TTC28: variants seen among roughly 807,000 people sequenced by gnomAD.
The protein encoded by TTC28 is tetratricopeptide repeat protein 28.
Under a neutral mutation model 198.0 loss-of-function variants are expected in TTC28, and 61 were observed. That is an observed-to-expected ratio of 0.31 (90% CI 0.25 to 0.38). The LOEUF is 0.38. TTC28 is among the 10% of genes least tolerant of loss of function. TTC28 has a pLI of 1.00. For missense variants in TTC28, 2,678 were observed against 3,164.0 expected, an observed-to-expected ratio of 0.85 and a Z score of 3.69; for synonymous variants, 1,171 against 1,297.8, an observed-to-expected ratio of 0.90 and a Z score of 2.10.
chr22:28,393,906 T>G (rs1905091177), intron 2 of TTC28, among the ~76,000 whole-genome samples: 1 of 152,018 alleles, frequency 6.6e-6, no homozygotes, highest in African/African-American at 2.4e-5. Context: ...TCCACTTACC[T>G]TTTTGTTTTT....
intron 2 of TTC28, among the ~76,000 whole-genome samples, chr22:28,429,147 A>C (rs2047397123): frequency 6.6e-6 from 1 of 152,224 alleles, no homozygotes; most frequent in Non-Finnish European, 1.5e-5. Flanking sequence ...TCAATCAATT[A>C]ATCAAAGTTT....
chr22:28,575,781 ACT>A (rs1290285593), intron 2 of TTC28, among the ~76,000 whole-genome samples: 1 of 152,014 alleles, frequency 6.6e-6, no homozygotes, highest in Non-Finnish European at 1.5e-5. Flanking sequence ...AAATGAGATT[ACT>A]TTTTTTATTG....
intron 7 of TTC28, 85 bp from the exon 8 acceptor site, chr22:28,105,887 T>C: frequency 7.1e-7 from 1 of 1,412,290 alleles, no homozygotes; most frequent in African/African-American, 1.4e-5. Context: ...GAAAAGCATT[T>C]GTCACTGTCA....
intron 2 of TTC28, among the ~76,000 whole-genome samples, chr22:28,455,920 G>A (rs2047852336): frequency 6.6e-6 from 1 of 152,024 alleles, no homozygotes; most frequent in Non-Finnish European, 1.5e-5. Context: ...AGCACTTTGG[G>A]AGGCTGAGGT....
At chr22:28,120,686 C>A (rs1018912427) in intron 6 of TTC28, among the ~76,000 whole-genome samples, 1 of 152,144 alleles carries the variant, frequency 6.6e-6, no homozygotes, top group Non-Finnish European at 1.5e-5. Flanking sequence ...TGAAAATGAA[C>A]AGGAAAAGGG....
At chr22:28,612,125 G>A (rs1034429364) in intron 2 of TTC28, among the ~76,000 whole-genome samples, 1 of 152,138 alleles carries the variant, frequency 6.6e-6, no homozygotes, top group African/African-American at 2.4e-5. Flanking sequence ...TAAAGGAATG[G>A]AGGAATATTT....
chr22:28,428,367 T>G (rs1440754144), intron 2 of TTC28, among the ~76,000 whole-genome samples: 1 of 152,168 alleles, frequency 6.6e-6, no homozygotes, highest in Non-Finnish European at 1.5e-5. Flanking sequence ...AAATACAAAG[T>G]GGTTATTAAC....
intron 12 of TTC28, among the ~76,000 whole-genome samples, chr22:28,039,982 T>C (rs1939547622): frequency 6.6e-6 from 1 of 151,872 alleles, no homozygotes; most frequent in African/African-American, 2.4e-5. Context: ...AACTAGAAAA[T>C]CTAGAAGAAA....
chr22:28,337,038 T>C (rs1313077094), intron 2 of TTC28, among the ~76,000 whole-genome samples: 1 of 152,200 alleles, frequency 6.6e-6, no homozygotes, highest in Non-Finnish European at 1.5e-5. Context: ...TGGTATGTTG[T>C]GTCTTTGTTC....
At chr22:28,028,805 G>A (rs1055356175) in intron 13 of TTC28, 10 of 342,542 alleles carry the variant, frequency 2.9e-5, no homozygotes, top group South Asian at 1.3e-4. Flanking sequence ...ACATTAAGTC[G>A]GTCAGTGTGT....
Position 27,981,229 on chromosome 22 carries a change from AATTTTTTTTTTTTTT to A in TTC28, c.*977_*991del, listed in dbSNP as rs1311583254. The A allele has an allele frequency of 4.1e-5, 3 of 72,686 alleles. No homozygotes were observed. The highest frequency in any genetic ancestry group is 9.8e-5 in the African/African-American group (2 of 20,420). The allele number at this position is 72,686 out of a possible 1,614,324, so 4.5% of individuals were successfully genotyped here. Reference sequence around the variant, plus strand: ...CTGGTTAAATCTAGTTAGCCATGGAAATTTTTTTTTTTTTTTTTTTTTTTTTTTTTTTTTTTTTGC... The same window carrying A: ...CTGGTTAAATCTAGTTAGCCATGGAATTTTTTTTTTTTTTTTTTTTTTTGC... On this transcript the variant is annotated 3_prime_UTR_variant, in exon 23 of 23. Coordinates refer to ENST00000397906, the MANE Select transcript of TTC28 (RefSeq NM_001145418.2).
At position 28,038,123 on chromosome 22, in the gene TTC28, C is replaced by T. The variant is rs186114102; in HGVS notation, c.3933-7757G>A. 3.1e-3 allele frequency among the ~76,000 whole-genome samples: 467 copies of T among 152,266 alleles called. 6 individuals are homozygous for T. The highest frequency in any genetic ancestry group is 0.011 in the African/African-American group (447 of 41,550). On this transcript the variant is annotated intron_variant, in intron 12 of 22. Coordinates refer to ENST00000397906, the MANE Select transcript of TTC28 (RefSeq NM_001145418.2). ...GTAATTTATAGATTCAAGGCCATCC[C>T]CATCAAGCTACCAATGACTTTCTTC...
At chr22:28,006,392 AC>A (rs1937930847) in intron 14 of TTC28, 1 of 152,240 alleles carries the variant, frequency 6.6e-6, no homozygotes, top group African/African-American at 2.4e-5. Context: ...CGAATTTACA[AC>A]TGTCTTCAGT....
intron 5 of TTC28, among the ~76,000 whole-genome samples, chr22:28,262,060 C>CCTTTCT (rs1160199036): frequency 1.3e-5 from 2 of 152,094 alleles, no homozygotes; most frequent in African/African-American, 4.8e-5. Flanking sequence ...AAATGTCTAT[C>CCTTTCT]CTTTCTCTTT....
chr22:28,360,914 C>T (rs1452125159), intron 2 of TTC28, among the ~76,000 whole-genome samples: 4 of 152,220 alleles, frequency 2.6e-5, no homozygotes, highest in Middle Eastern at 3.4e-3. Context: ...TGGTGAACTA[C>T]GATCAGTGAT....
intron 12 of TTC28, chr22:28,056,031 T>C (rs1940273779): frequency 1.3e-5 from 2 of 152,234 alleles, no homozygotes; most frequent in African/African-American, 2.4e-5. Context: ...AATATGTACA[T>C]GCTGTTTTAT....
At chr22:28,312,386 A>C (rs2045278420) in intron 2 of TTC28, among the ~76,000 whole-genome samples, 1 of 152,136 alleles carries the variant, frequency 6.6e-6, no homozygotes, top group South Asian at 2.1e-4. Flanking sequence ...AGAACTCTCC[A>C]CCCCAAATCA....
intron 2 of TTC28, among the ~76,000 whole-genome samples, chr22:28,604,297 T>TATA (rs1053139903): frequency 1.8e-4 from 21 of 114,130 alleles, no homozygotes; most frequent in Middle Eastern, 4.1e-3. Flanking sequence ...AAAAAAAAAA[T>TATA]TATATATATA....
At chr22:28,563,142 T>G (rs578017936) in intron 2 of TTC28, among the ~76,000 whole-genome samples, 16 of 151,890 alleles carry the variant, frequency 1.1e-4, no homozygotes, top group South Asian at 8.3e-4. Flanking sequence ...AGAAGAAGAA[T>G]AAGATAGAAA....
Sources: allele counts gnomAD v4.1 joint callset (sites outside exome capture counted in the v4.1 genomes callset), GRCh38; gene constraint gnomAD v4.1.1; transcripts MANE v1.5; gene names NCBI Gene and HGNC (gene_info 2026-07-23, HGNC 2026-07-21).